Variants in PASD1 observed in about 807,000 individuals in gnomAD.
PASD1 encodes the protein circadian clock protein PASD1.
Under a neutral mutation model 58.8 loss-of-function variants are expected in PASD1, and 13 were observed. That is an observed-to-expected ratio of 0.22 (90% CI 0.14 to 0.35). The LOEUF (loss-of-function observed/expected upper bound fraction) is 0.35. Ranked by LOEUF, PASD1 falls within the 10% of genes least tolerant of loss-of-function variation. The probability of loss-of-function intolerance (pLI) is 1.00; values close to 1 mark genes in which losing one functional copy is unlikely to be tolerated. For synonymous variants in PASD1, 236 were observed against 216.7 expected (o/e 1.09, Z -0.78); for missense variants, 734 against 568.3 (o/e 1.29, Z -2.96).
intron 10 of PASD1, among the ~76,000 whole-genome samples, chrX:151,663,517 C>T (rs1241938068): frequency 1.8e-5 from 2 of 112,325 alleles, no homozygotes; most frequent in Admixed American, 9.4e-5. Context: ...TAAACATTTG[C>T]GTAGAAGTTT....
intron 14 of PASD1, 118 bp from the exon 15 acceptor site, chrX:151,673,810 C>T: frequency 1.2e-6 from 1 of 858,870 alleles, no homozygotes; most frequent in Non-Finnish European, 1.7e-6. Context: ...ACAAGTGAAT[C>T]CTGTGGTGTA....
intron 1 of PASD1, among the ~76,000 whole-genome samples, chrX:151,598,529 T>C (rs2013352182): frequency 9.0e-6 from 1 of 111,402 alleles, no homozygotes; most frequent in East Asian, 2.8e-4. Flanking sequence ...CTCTTAGATA[T>C]ATACTGTGCC....
chrX:151,624,789 G>A (rs555126859), intron 7 of PASD1, among the ~76,000 whole-genome samples: 5 of 111,651 alleles, frequency 4.5e-5, no homozygotes, highest in Middle Eastern at 4.6e-3. Context: ...TTTAGAACAA[G>A]TAATATATGT....
chrX:151,604,620 T>C (rs753301727), intron 2 of PASD1, 26 bp from the exon 3 acceptor site: 2 of 1,087,354 alleles, frequency 1.8e-6, no homozygotes, highest in Admixed American at 4.4e-5. Context: ...GACACTGTTC[T>C]GTACTTTCTT....
At chrX:151,622,828 T>C in intron 6 of PASD1, 109 bp from the exon 7 acceptor site, 1 of 864,076 alleles carries the variant, frequency 1.2e-6, no homozygotes, top group Non-Finnish European at 1.6e-6. Flanking sequence ...GCTCAGAATT[T>C]TGAAAATTGT....
chrX:151,670,104 G>A (rs1164541852), intron 11 of PASD1, among the ~76,000 whole-genome samples: 1 of 111,730 alleles, frequency 9.0e-6, no homozygotes, highest in African/African-American at 3.3e-5. Flanking sequence ...GTCTACCTCT[G>A]GATTGTTCCA....
intron 1 of PASD1, among the ~76,000 whole-genome samples, chrX:151,572,914 G>C (rs1273222622): frequency 1.9e-5 from 2 of 102,967 alleles, no homozygotes; most frequent in Non-Finnish European, 3.9e-5. Context: ...TTTACAGGAA[G>C]CATGGTATTG....
intron 8 of PASD1, among the ~76,000 whole-genome samples, chrX:151,641,513 A>G (rs1171710916): frequency 9.0e-6 from 1 of 111,678 alleles, no homozygotes; most frequent in Non-Finnish European, 1.9e-5. Flanking sequence ...AGCTTCAGAT[A>G]TATCAGTTAT....
At chrX:151,630,801 G>C (rs952647682) in intron 8 of PASD1, among the ~76,000 whole-genome samples, 1 of 112,751 alleles carries the variant, frequency 8.9e-6, no homozygotes, top group African/African-American at 3.2e-5. Context: ...AGAAGAAAGG[G>C]TGTATTTCCA....
At chrX:151,652,406 G>C (rs1237066508) in intron 9 of PASD1, among the ~76,000 whole-genome samples, 1 of 109,956 alleles carries the variant, frequency 9.1e-6, no homozygotes, top group African/African-American at 3.3e-5. Context: ...GGTGGCACAC[G>C]CCTGTAGTCC....
intron 1 of PASD1, among the ~76,000 whole-genome samples, chrX:151,565,044 G>T (rs1272615464): frequency 1.8e-5 from 2 of 112,149 alleles, no homozygotes; most frequent in African/African-American, 3.2e-5. Flanking sequence ...GGAAAGGCAG[G>T]TGGCAAAGTC....
intron 15 of PASD1, 94 bp downstream of exon 15, chrX:151,674,280 G>C: frequency 9.2e-7 from 1 of 1,081,950 alleles, no homozygotes; most frequent in Non-Finnish European, 1.3e-6. Context: ...TGCATGCTGT[G>C]TGTGAGAGCC....
chrX:151,648,280 AT>A lies in PASD1; in HGVS notation c.630-324del, dbSNP rs796387913. Among the ~76,000 whole-genome samples, 651 of 104,229 alleles carry A rather than the reference AT, an allele frequency of 6.2e-3. 2 individuals are homozygous for A. Among genetic ancestry groups the A allele is most frequent in the Non-Finnish European group, 8.6e-3 (432 of 50,487 alleles). 90.5% of individuals were successfully genotyped at this position (104,229 alleles called of 115,157 possible). A position where few individuals can be genotyped will look rare whatever the true frequency, so the allele number is the denominator to read the frequency against. The stretch of plus-strand genomic sequence containing the variant: ...ACAAAATTAAATTGGGCCTAAAGGC[AT>A]TTTTTTTTTTGTAATTGCAGTTGGT... On this transcript the variant is annotated intron_variant, in intron 8 of 15. Coordinates refer to ENST00000370357, the MANE Select transcript of PASD1 (RefSeq NM_173493.3).
In PASD1 at chrX:151,653,867, C is replaced by T. The variant is rs866379289; in HGVS notation, c.717+5165C>T. On this transcript the variant is annotated intron_variant, in intron 9 of 15. Transcript: ENST00000370357. ...CCTTCCCTCCCTCCCTCCCTCCCTC[C>T]CTCTTTCTTTCTTTCTTTCTTTCTT... Among the ~76,000 whole-genome samples the T allele has an allele frequency of 6.7e-3, 132 of 19,833 alleles. 6 individuals carry two copies. Among genetic ancestry groups the T allele is most frequent in the African/African-American group, 0.018 (121 of 6,762 alleles). The allele number at this position is 19,833 out of a possible 115,157, so 17.2% of individuals were successfully genotyped here. A position where few individuals can be genotyped will look rare whatever the true frequency, so the allele number is the denominator to read the frequency against.
chrX:151,623,069 G>T lies in PASD1; in HGVS notation c.546+5G>T, dbSNP rs371643602. ...CTCAGGACTCAGCTCCTGCAGGTGG[G>T]TATACTGTGTTTGTGCTTCCCCCGC... is the stretch of plus-strand genomic sequence containing the variant. On this transcript the variant is annotated splice_donor_5th_base_variant and intron_variant, in intron 7 of 15. Transcript: ENST00000370357. 447 of 1,205,443 alleles carry T rather than the reference G, an allele frequency of 3.7e-4. No individual in the cohort carries two copies. Among genetic ancestry groups the T allele is most frequent in the Non-Finnish European group, 4.9e-4 (442 of 893,190 alleles).
intron 8 of PASD1, among the ~76,000 whole-genome samples, chrX:151,641,815 TACAC>T (rs748009729): frequency 0.086 from 9,030 of 104,666 alleles, 337 homozygotes; most frequent in African/African-American, 0.13. Flanking sequence ...CACGCGTACT[TACAC>T]ACACACACAC....
At chrX:151,625,234 C>T (rs373428952) in intron 7 of PASD1, among the ~76,000 whole-genome samples, 23 of 111,841 alleles carry the variant, frequency 2.1e-4, no homozygotes, top group Admixed American at 1.4e-3. Context: ...CTTTGAAATT[C>T]TGCTCCTGGA....
At chrX:151,606,669 G>A (rs1032874966) in intron 3 of PASD1, among the ~76,000 whole-genome samples, 6 of 111,030 alleles carry the variant, frequency 5.4e-5, no homozygotes, top group African/African-American at 1.6e-4. Flanking sequence ...TAGCACAGCC[G>A]AGTAGCACAC....
At chrX:151,645,942 G>C (rs973828100) in intron 8 of PASD1, among the ~76,000 whole-genome samples, 1 of 36,069 alleles carries the variant, frequency 2.8e-5, no homozygotes, top group Admixed American at 2.5e-4. Context: ...TTCGGGTCTC[G>C]CTCTGTCATC....
Sources: allele counts gnomAD v4.1 joint callset (sites outside exome capture counted in the v4.1 genomes callset), GRCh38; gene constraint gnomAD v4.1.1; transcripts MANE v1.5; gene names NCBI Gene and HGNC (gene_info 2026-07-23, HGNC 2026-07-21).